SLC17A1: variants seen among roughly 807,000 people sequenced by gnomAD.
SLC17A1 encodes the protein solute carrier family 17 member 1.
A neutral mutation model predicts 53.5 loss-of-function variants in SLC17A1; 51 were observed. The observed-to-expected ratio is 0.95, with a 90% CI of 0.76 to 1.20. The LOEUF (loss-of-function observed/expected upper bound fraction) is 1.20. Among genes scored for constraint, SLC17A1 ranks in the 50% most tolerant of loss-of-function variants. The pLI, the probability that SLC17A1 is intolerant of heterozygous loss-of-function variation, is 0.00. For synonymous variants in SLC17A1, 179 were observed against 198.8 expected, an observed-to-expected ratio of 0.90 and a Z score of 0.84; for missense variants, 538 against 568.2, an observed-to-expected ratio of 0.95 and a Z score of 0.54.
At chr6:25,786,032 T>C (rs1763375864) in intron 12 of SLC17A1, among the ~76,000 whole-genome samples, 2 of 152,134 alleles carry the variant, frequency 1.3e-5, no homozygotes, top group African/African-American at 4.8e-5. Flanking sequence ...CAAATGCACA[T>C]AGTGGTCTAT....
the SLC17A1 span, among the ~76,000 whole-genome samples, chr6:25,760,875 G>A: frequency 2.3e-4 from 35 of 152,150 alleles, no homozygotes; most frequent in East Asian, 6.4e-3. Flanking sequence ...ATTATTTAAA[G>A]CATACTTACA....
chr6:25,823,172 G>A (rs151325090), intron 3 of SLC17A1, among the ~76,000 whole-genome samples: 46 of 152,176 alleles, frequency 3.0e-4, no homozygotes, highest in African/African-American at 9.9e-4. Flanking sequence ...TCCATTTTAT[G>A]GATGTGCCAT....
At chr6:25,731,703 C>T in the SLC17A1 span, 1 of 973,648 alleles carries the variant, frequency 1.0e-6, no homozygotes, top group Non-Finnish European at 1.5e-6. Flanking sequence ...AATAAACATT[C>T]TACAGCCCTA....
downstream of SLC17A1, chr6:25,780,385 A>C (rs1337913053): frequency 1.3e-5 from 2 of 152,234 alleles, no homozygotes; most frequent in African/African-American, 4.8e-5. Flanking sequence ...AAGTGCACTA[A>C]TCTGAGTGTA....
intron 3 of SLC17A1, among the ~76,000 whole-genome samples, chr6:25,826,004 T>C (rs529188008): frequency 2.6e-5 from 4 of 152,194 alleles, no homozygotes; most frequent in African/African-American, 9.6e-5. Context: ...AGTTTCCATC[T>C]CTTTACTGAC....
Position 25,798,923 on chromosome 6 carries a change from A to C in SLC17A1, c.1270-4T>G. 2 of 1,552,266 alleles carry C rather than the reference A, an allele frequency of 1.3e-6. No individual in the cohort carries two copies. The highest frequency in any genetic ancestry group is 8.8e-7 in the Non-Finnish European group (1 of 1,139,318). On this transcript the variant is annotated splice_region_variant and splice_polypyrimidine_tract_variant and intron_variant, in intron 11 of 12. Transcript: ENST00000244527. ...TAAACCAGGCGGATTCCGGATCCTA[A>C]GGAATTAAAATTCAAAGTAATTGTA...
At chr6:25,747,860 A>T in the SLC17A1 span, among the ~76,000 whole-genome samples, 21 of 152,332 alleles carry the variant, frequency 1.4e-4, no homozygotes, top group Non-Finnish European at 2.5e-4. Flanking sequence ...TGTTTAAGCC[A>T]TCCAGTCTAT....
In SLC17A1 at chr6:25,813,166, CAT is replaced by C; in HGVS notation, c.662_663del (p.Tyr221Ter). ...ATACATGGGTGGTCTTTGGGGTCAT[CAT>C]AAAACAGAACGAACCAGAGAAGACA... Reference protein sequence around the residue: ...AVCLLWFVLFYDDPKDHPCIS... With the variant: ...AVCLLWFVLFXDDPKDHPCIS... On this transcript the variant is annotated frameshift_variant, in exon 7 of 13. Transcript: ENST00000244527. LOFTEE classifies it high-confidence loss of function. 6.2e-7 allele frequency: 1 copy of C among 1,614,148 alleles called. No homozygotes were observed. Among genetic ancestry groups the C allele is most frequent in the Non-Finnish European group, 8.5e-7 (1 of 1,180,018 alleles).
intron 6 of SLC17A1, among the ~76,000 whole-genome samples, chr6:25,813,624 A>G (rs1474602969): frequency 6.6e-6 from 1 of 152,202 alleles, no homozygotes; most frequent in Non-Finnish European, 1.5e-5. Context: ...TTATTTATAT[A>G]GGTAAACTTG....
downstream of SLC17A1, chr6:25,777,985 C>T: frequency 4.3e-6 from 7 of 1,612,870 alleles, no homozygotes; most frequent in East Asian, 2.2e-5. Context: ...GGAGCCATCT[C>T]TCCTACTGCT....
At chr6:25,777,204 G>T in the SLC17A1 span, 298 of 460,426 alleles carry the variant, frequency 6.5e-4, 3 homozygotes, top group South Asian at 0.011. Flanking sequence ...AACTGAGGGA[G>T]ACTCACACAA....
At chr6:25,725,803 T>G in the SLC17A1 span, among the ~76,000 whole-genome samples, 1 of 152,022 alleles carries the variant, frequency 6.6e-6, no homozygotes, top group Non-Finnish European at 1.5e-5. Context: ...ATGTTAACGG[T>G]CAAGCCCCAG....
intron 11 of SLC17A1, 87 bp downstream of exon 11, chr6:25,800,803 G>T (rs1014628084): frequency 4.9e-6 from 4 of 812,088 alleles, no homozygotes; most frequent in Non-Finnish European, 8.2e-6. Flanking sequence ...TCTCCTTCTG[G>T]CATCTTCTCT....
At chr6:25,768,969 G>T in the SLC17A1 span, 1 of 1,612,290 alleles carries the variant, frequency 6.2e-7, no homozygotes, top group African/African-American at 1.3e-5. Flanking sequence ...GATTTTTCAT[G>T]CCCTTTTCCT....
At chr6:25,829,039 T>A (rs887728071) in intron 2 of SLC17A1, among the ~76,000 whole-genome samples, 2 of 152,174 alleles carry the variant, frequency 1.3e-5, no homozygotes, top group African/African-American at 4.8e-5. Context: ...ACCATTTTTT[T>A]AAAAGCATGG....
the SLC17A1 span, among the ~76,000 whole-genome samples, chr6:25,736,980 G>A: frequency 6.6e-6 from 1 of 152,052 alleles, no homozygotes; most frequent in Non-Finnish European, 1.5e-5. Context: ...CCTCCAAACC[G>A]CCCTTGGTTA....
chr6:25,750,113 AAAAC>A, the SLC17A1 span, among the ~76,000 whole-genome samples: 2 of 152,234 alleles, frequency 1.3e-5, no homozygotes, highest in African/African-American at 4.8e-5. Context: ...AAAACAAAAT[AAAAC>A]AAAGCACCGC....
the SLC17A1 span, among the ~76,000 whole-genome samples, chr6:25,751,857 G>GAA: frequency 2.7e-5 from 4 of 150,476 alleles, no homozygotes; most frequent in South Asian, 2.1e-4. Flanking sequence ...AAAGAAAAAA[G>GAA]AAAAAAAAAG....
the SLC17A1 span, among the ~76,000 whole-genome samples, chr6:25,767,807 C>T: frequency 1.3e-5 from 2 of 152,032 alleles, no homozygotes; most frequent in Admixed American, 1.3e-4. Context: ...GTGTTGCAAA[C>T]GGTAAACATA....
Sources: allele counts gnomAD v4.1 joint callset (sites outside exome capture counted in the v4.1 genomes callset), GRCh38; gene constraint gnomAD v4.1.1; transcripts MANE v1.5; gene names NCBI Gene and HGNC (gene_info 2026-07-23, HGNC 2026-07-21).